LMX1A: variants seen among roughly 807,000 people sequenced by gnomAD.
LMX1A encodes LIM homeobox transcription factor 1-alpha.
Under a neutral mutation model 49.1 loss-of-function variants are expected in LMX1A, and 15 were observed. The ratio of observed to expected loss-of-function variants is 0.31; its 90% CI spans 0.20 to 0.47. The LOEUF is 0.47. LMX1A is among the 20% of genes least tolerant of loss of function. The pLI is 1.00. For missense variants in LMX1A, 372 were observed against 475.8 expected, an observed-to-expected ratio of 0.78 and a Z score of 2.03; for synonymous variants, 167 against 185.7, an observed-to-expected ratio of 0.90 and a Z score of 0.82.
intron 3 of LMX1A, among the ~76,000 whole-genome samples, chr1:165,297,759 GAGA>G (rs1654656343): frequency 6.6e-6 from 1 of 152,174 alleles, no homozygotes; most frequent in Non-Finnish European, 1.5e-5. Context: ...GTGAACCAGG[GAGA>G]AGAAGGCTCA....
intron 3 of LMX1A, among the ~76,000 whole-genome samples, chr1:165,349,655 C>T (rs1001471815): frequency 2.6e-5 from 4 of 152,058 alleles, no homozygotes; most frequent in Admixed American, 6.5e-5. Flanking sequence ...TTATTCCTAA[C>T]GGCATCGCAG....
intron 3 of LMX1A, among the ~76,000 whole-genome samples, chr1:165,309,446 G>T (rs112262468): frequency 3.3e-5 from 5 of 152,178 alleles, no homozygotes; most frequent in Admixed American, 3.3e-4. Context: ...CGCCAGAGAC[G>T]CAAGGGCACC....
At chr1:165,303,569 C>A (rs941012577) in intron 3 of LMX1A, among the ~76,000 whole-genome samples, 1 of 152,338 alleles carries the variant, frequency 6.6e-6, no homozygotes, top group African/African-American at 2.4e-5. Flanking sequence ...GTGCTGGTCA[C>A]GGACTTGGCT....
intron 3 of LMX1A, among the ~76,000 whole-genome samples, chr1:165,274,855 A>G (rs772468005): frequency 2.6e-5 from 4 of 152,264 alleles, no homozygotes; most frequent in East Asian, 3.9e-4. Flanking sequence ...CAGTTTCCCC[A>G]TCTGTAAAAT....
At chr1:165,325,884 T>C (rs1314151499) in intron 3 of LMX1A, among the ~76,000 whole-genome samples, 5 of 152,182 alleles carry the variant, frequency 3.3e-5, no homozygotes, top group Admixed American at 1.3e-4. Flanking sequence ...CCATTATGAT[T>C]GTTGTTGTTA....
intron 6 of LMX1A, 72 bp downstream of exon 6, chr1:165,210,627 G>T: frequency 1.8e-6 from 2 of 1,140,108 alleles, no homozygotes; most frequent in Non-Finnish European, 2.6e-6. Context: ...CTGGCAGCAA[G>T]TACAATGTCC....
At chr1:165,258,562 C>G (rs1404298156) in intron 3 of LMX1A, among the ~76,000 whole-genome samples, 1 of 152,184 alleles carries the variant, frequency 6.6e-6, no homozygotes, top group Non-Finnish European at 1.5e-5. Flanking sequence ...CTGCCTGCAG[C>G]TCCTGGGGAG....
chr1:165,349,963 G>A (rs964539925), intron 3 of LMX1A, among the ~76,000 whole-genome samples: 1 of 152,178 alleles, frequency 6.6e-6, no homozygotes, highest in Non-Finnish European at 1.5e-5. Flanking sequence ...GATTGACACT[G>A]AAAACTGTGC....
chr1:165,323,973 A>G (rs1655497084), intron 3 of LMX1A, among the ~76,000 whole-genome samples: 1 of 152,244 alleles, frequency 6.6e-6, no homozygotes, highest in Non-Finnish European at 1.5e-5. Context: ...CTTGTAGTTA[A>G]CCTATCATCT....
intron 3 of LMX1A, among the ~76,000 whole-genome samples, chr1:165,329,171 G>C (rs1026973131): frequency 7.9e-5 from 12 of 152,146 alleles, no homozygotes; most frequent in Non-Finnish European, 1.6e-4. Context: ...GAAAGAGAGC[G>C]TATGTAACAG....
At chr1:165,286,494 G>C (rs1410319434) in intron 3 of LMX1A, among the ~76,000 whole-genome samples, 1 of 152,118 alleles carries the variant, frequency 6.6e-6, no homozygotes, top group East Asian at 1.9e-4. Flanking sequence ...CTGAGGTTCT[G>C]GTACTTGGTT....
At chr1:165,252,213 A>G (rs1011983809) in intron 3 of LMX1A, among the ~76,000 whole-genome samples, 1 of 152,196 alleles carries the variant, frequency 6.6e-6, no homozygotes, top group Non-Finnish European at 1.5e-5. Flanking sequence ...CTAAAAGTTG[A>G]TATTATTTGA....
intron 3 of LMX1A, among the ~76,000 whole-genome samples, chr1:165,296,816 T>G (rs182840396): frequency 6.6e-6 from 1 of 152,280 alleles, no homozygotes; most frequent in Admixed American, 6.5e-5. Context: ...TTTTAAAGAA[T>G]GCACATTTCC....
At chr1:165,235,976 A>C (rs1652419856) in intron 4 of LMX1A, among the ~76,000 whole-genome samples, 1 of 152,208 alleles carries the variant, frequency 6.6e-6, no homozygotes, top group South Asian at 2.1e-4. Context: ...CGGGGGCTTC[A>C]GGCACTTTGC....
At chr1:165,223,294 A>G (rs560406410) in intron 4 of LMX1A, among the ~76,000 whole-genome samples, 1 of 152,332 alleles carries the variant, frequency 6.6e-6, no homozygotes, top group African/African-American at 2.4e-5. Context: ...AAATATTTTT[A>G]TTATGACTCT....
intron 3 of LMX1A, among the ~76,000 whole-genome samples, chr1:165,334,944 C>G (rs1655856515): frequency 6.6e-6 from 1 of 152,160 alleles, no homozygotes; most frequent in Non-Finnish European, 1.5e-5. Context: ...GAAACTCTGT[C>G]CTAGAGTATT....
At chr1:165,345,932 A>C (rs1331087328) in intron 3 of LMX1A, among the ~76,000 whole-genome samples, 2 of 152,222 alleles carry the variant, frequency 1.3e-5, no homozygotes, top group Non-Finnish European at 2.9e-5. Context: ...TGGTCTGGGC[A>C]AAAAATGAGG....
chr1:165,289,407 A>C (rs948894499), intron 3 of LMX1A, among the ~76,000 whole-genome samples: 11 of 152,216 alleles, frequency 7.2e-5, no homozygotes, highest in African/African-American at 2.4e-4. Context: ...CCCAAGAGTC[A>C]GATGTAAAAT....
intron 4 of LMX1A, among the ~76,000 whole-genome samples, chr1:165,246,728 C>G (rs1029247629): frequency 7.7e-6 from 1 of 130,568 alleles, no homozygotes; most frequent in African/African-American, 3.0e-5. Flanking sequence ...TGTCCTCATT[C>G]AGTCTTGACT....
Sources: gnomAD v4.1 joint callset for allele counts (sites outside exome capture counted in the v4.1 genomes callset) on GRCh38, gnomAD v4.1.1 for gene constraint, MANE v1.5 for transcripts, NCBI Gene and HGNC (gene_info 2026-07-23, HGNC 2026-07-21) for gene names.